FBN1: variants seen among roughly 807,000 people sequenced by gnomAD.
FBN1 encodes the protein fibrillin-1.
FBN1 carries 29 observed loss-of-function variants against 365.1 expected under a neutral mutation model. That is an observed-to-expected ratio of 0.08 (90% CI 0.06 to 0.11). The LOEUF (loss-of-function observed/expected upper bound fraction) is 0.11. FBN1 is among the 10% of genes least tolerant of loss of function. The pLI is 1.00. For missense variants in FBN1, 2,476 were observed against 3,703.2 expected (o/e 0.67, Z 8.60); for synonymous variants, 1,210 against 1,270.5 (o/e 0.95, Z 1.01).
intron 45 of FBN1, among the ~76,000 whole-genome samples, chr15:48,449,129 T>C (rs2043181206): frequency 6.6e-6 from 1 of 152,182 alleles, no homozygotes; most frequent in African/African-American, 2.4e-5. Flanking sequence ...AAAAATATTC[T>C]GAAAGATGAG....
At chr15:48,645,057 T>C (rs958151731) in intron 1 of FBN1, 107 bp from the exon 2 acceptor site, 1 of 264,540 alleles carries the variant, frequency 3.8e-6, no homozygotes, top group African/African-American at 2.3e-5. Context: ...CGCCTGCGCG[T>C]GGCGCAGTTA....
At chr15:48,477,748 C>A (rs2043432518) in intron 32 of FBN1, among the ~76,000 whole-genome samples, 1 of 152,216 alleles carries the variant, frequency 6.6e-6, no homozygotes, top group Non-Finnish European at 1.5e-5. Context: ...CACAAGTTCG[C>A]TGCAAACAGA....
At chr15:48,531,147 T>C (rs2043969546) in intron 8 of FBN1, among the ~76,000 whole-genome samples, 1 of 152,226 alleles carries the variant, frequency 6.6e-6, no homozygotes, top group Non-Finnish European at 1.5e-5. Context: ...CTCAATCTTT[T>C]CCTTCTTAAA....
chr15:48,592,648 T>TTGTG (rs2044486731), intron 6 of FBN1, among the ~76,000 whole-genome samples: 1 of 151,678 alleles, frequency 6.6e-6, no homozygotes, highest in Admixed American at 6.6e-5. Context: ...AAATGTGAAC[T>TTGTG]TACCAAAAAA....
At position 48,526,245 on chromosome 15, in the gene FBN1, T is replaced by C; in HGVS notation, c.873A>G (p.Glu291=). 4 of 1,614,108 alleles carry C rather than the reference T, an allele frequency of 2.5e-6. No individual in the cohort carries two copies. Among genetic ancestry groups the C allele is most frequent in the Non-Finnish European group, 3.4e-6 (4 of 1,179,966 alleles). ...EVSQKCEDID[E]CSTIPGICEG... is the part of the protein sequence containing the mutation. ...CACAGATTCCAGGAATGGTGCTGCA[T>C]TCATCAATATCTGGAATATAAAAAA... is the stretch of plus-strand genomic sequence containing the variant. The change falls in exon 9 of 66, where the codon GAA becomes GAG. Residue 291 remains glutamate (E), a synonymous_variant. Coordinates refer to ENST00000316623, the MANE Select transcript of FBN1 (RefSeq NM_000138.5).
intron 6 of FBN1, among the ~76,000 whole-genome samples, chr15:48,589,592 C>A (rs891130929): frequency 2.0e-5 from 3 of 149,436 alleles, no homozygotes; most frequent in East Asian, 3.9e-4. Context: ...CCCCTGCTAT[C>A]TACACATTGT....
At chr15:48,504,358 G>A (rs1429784520) in intron 16 of FBN1, among the ~76,000 whole-genome samples, 1 of 152,090 alleles carries the variant, frequency 6.6e-6, no homozygotes, top group African/African-American at 2.4e-5. Context: ...AAATAAACAC[G>A]CAATTACTGA....
In FBN1 at chr15:48,470,761, G is replaced by C. The variant is rs370959127; in HGVS notation, c.4337-5C>G. ...GAAGGGAGCACTCATCAATATCTTG[G>C]GGGGAGGGAGAAAAAAGCAAAAAAC... On this transcript the variant is annotated splice_region_variant and splice_polypyrimidine_tract_variant and intron_variant, in intron 35 of 65. Coordinates refer to ENST00000316623, the MANE Select transcript of FBN1 (RefSeq NM_000138.5). 5.9e-5 allele frequency: 96 copies of C among 1,613,826 alleles called. No individual in the cohort carries two copies. The highest frequency in any genetic ancestry group is 5.0e-5 in the Admixed American group (3 of 59,972).
chr15:48,554,560 G>A (rs1302964017), intron 6 of FBN1, among the ~76,000 whole-genome samples: 1 of 152,178 alleles, frequency 6.6e-6, no homozygotes, highest in Non-Finnish European at 1.5e-5. Context: ...TTACCTCCCT[G>A]TGGAGAAGCA....
At chr15:48,557,030 C>A (rs1377323386) in intron 6 of FBN1, among the ~76,000 whole-genome samples, 1 of 152,126 alleles carries the variant, frequency 6.6e-6, no homozygotes. Context: ...GAAGGAAGGT[C>A]TTTTTGGTAC....
chr15:48,560,727 CTT>C (rs1269716346), intron 6 of FBN1, among the ~76,000 whole-genome samples: 1 of 152,128 alleles, frequency 6.6e-6, no homozygotes, highest in Non-Finnish European at 1.5e-5. Flanking sequence ...TTCCAAAAGA[CTT>C]CAACAAATGT....
intron 4 of FBN1, among the ~76,000 whole-genome samples, chr15:48,610,265 C>A (rs967635285): frequency 7.9e-5 from 12 of 152,216 alleles, no homozygotes; most frequent in African/African-American, 2.7e-4. Flanking sequence ...AAATCACCCC[C>A]AGAAACTTCC....
At chr15:48,639,122 T>C (rs559077839) in intron 2 of FBN1, among the ~76,000 whole-genome samples, 3 of 152,208 alleles carry the variant, frequency 2.0e-5, no homozygotes, top group Non-Finnish European at 4.4e-5. Context: ...ATTTTACCAA[T>C]GTCTTGGGCC....
intron 2 of FBN1, among the ~76,000 whole-genome samples, chr15:48,636,532 T>C (rs1171568219): frequency 6.6e-6 from 1 of 152,066 alleles, no homozygotes; most frequent in Non-Finnish European, 1.5e-5. Flanking sequence ...GTCTCCCCAT[T>C]TGAAAAAAAA....
chr15:48,597,180 A>G (rs2044522714), intron 5 of FBN1, among the ~76,000 whole-genome samples: 1 of 152,104 alleles, frequency 6.6e-6, no homozygotes, highest in African/African-American at 2.4e-5. Flanking sequence ...TGCTCCTTAT[A>G]TATTTTCTAT....
chr15:48,615,342 T>C (rs1166981708), intron 2 of FBN1, among the ~76,000 whole-genome samples: 1 of 152,068 alleles, frequency 6.6e-6, no homozygotes, highest in Non-Finnish European at 1.5e-5. Context: ...TCATAGTGTC[T>C]GACAAAAATA....
intron 58 of FBN1, among the ~76,000 whole-genome samples, chr15:48,427,315 TTTAAAAAGTTGAAGAC>T (rs923972318): frequency 1.3e-5 from 2 of 152,150 alleles, no homozygotes; most frequent in Non-Finnish European, 2.9e-5. Flanking sequence ...TAGTAAACGG[TTTAAAAAGTTGAAGAC>T]TCGCTGGAAT....
rs756232667 is a variant in FBN1 at position 48,452,570 on chromosome 15, T to C, written c.5537A>G (p.Gln1846Arg). The change falls in exon 45 of 66, where the codon CAG (glutamine) becomes CGG (arginine). Residue 1846 changes from glutamine (Q) to arginine (R), a missense_variant. By Grantham distance (43) the Gln-to-Arg change is conservative. This residue lies in a region of FBN1 where 1,780 missense variants were observed against 2,840.8 expected (regional missense o/e 0.63). Coordinates refer to ENST00000316623, the MANE Select transcript of FBN1 (RefSeq NM_000138.5). ...KPGYRFTSTG[Q>R]CNDRNECQEI... The stretch of plus-strand genomic sequence containing the variant: ...TGTGGGGCACTACATACCATTGCAC[T>C]GTCCTGTGGAGGTGAAGCGGTAGCC... 3 of 1,614,176 alleles carry C rather than the reference T, an allele frequency of 1.9e-6. No individual in the cohort carries two copies. Among genetic ancestry groups the C allele is most frequent in the Non-Finnish European group, 2.5e-6 (3 of 1,180,014 alleles).
chr15:48,412,593 G>A lies in FBN1; in HGVS notation c.8202C>T (p.Asn2734=), dbSNP rs113904256. The change falls in exon 65 of 66, where the codon AAC becomes AAT. Residue 2734 remains asparagine (N), a synonymous_variant. Coordinates refer to ENST00000316623, the MANE Select transcript of FBN1 (RefSeq NM_000138.5). ...PKRGRKRRST[N]ETDASNIEDQ... ...CCTCGATATTGGAGGCATCAGTTTCGTTTGTGCTTCTCCGTTTCCTGCCCC... is the reference window on the plus strand; with the variant it reads ...CCTCGATATTGGAGGCATCAGTTTCATTTGTGCTTCTCCGTTTCCTGCCCC... 34 of 1,614,130 alleles carry A rather than the reference G, an allele frequency of 2.1e-5. No individual in the cohort carries two copies. The highest frequency in any genetic ancestry group is 1.1e-4 in the South Asian group (10 of 91,070).
Sources: allele counts gnomAD v4.1 joint callset (sites outside exome capture counted in the v4.1 genomes callset), GRCh38; gene constraint gnomAD v4.1.1; regional missense constraint gnomAD v4.1.1; transcripts MANE v1.5; gene names NCBI Gene and HGNC (gene_info 2026-07-23, HGNC 2026-07-21).